The following PDE1C variants were observed in gnomAD, a reference collection of about 807,000 sequenced individuals.
The protein encoded by PDE1C is phosphodiesterase 1C, also known as dual specificity calcium/calmodulin-dependent 3',5'-cyclic nucleotide phosphodiesterase 1C.
In PDE1C, 62 loss-of-function variants were observed where a neutral mutation model predicts 93.1. The ratio of observed to expected loss-of-function variants is 0.67; its 90% CI spans 0.54 to 0.82. The LOEUF (loss-of-function observed/expected upper bound fraction) is 0.82. Among genes scored for constraint, PDE1C ranks in the 40% least tolerant of loss-of-function variants. PDE1C has a pLI of 0.00. For missense variants in PDE1C, 742 were observed against 884.6 expected (o/e 0.84, Z 2.04); for synonymous variants, 325 against 310.1 (o/e 1.05, Z -0.50).
rs138835667 is a variant in PDE1C, at chr7:31,991,991, C to T, written c.128+59563G>A. The stretch of plus-strand genomic sequence containing the variant: ...TTAGCGGGTTCCTATTGGTTCCAGA[C>T]CTATCTGGGTTAATCTGGAAAAGGG... On this transcript the variant is annotated intron_variant, in intron 2 of 17. Coordinates refer to ENST00000396191, the MANE Select transcript of PDE1C (RefSeq NM_001191057.4). Among the ~76,000 whole-genome samples, 511 of 152,244 alleles carry T rather than the reference C, an allele frequency of 3.4e-3. 3 individuals are homozygous for T. Among genetic ancestry groups the T allele is most frequent in the African/African-American group, 0.011 (476 of 41,498 alleles).
At chr7:32,097,119 G>A (rs920107395) in intron 3 of PDE1C, among the ~76,000 whole-genome samples, 9 of 152,114 alleles carry the variant, frequency 5.9e-5, no homozygotes, top group Non-Finnish European at 1.3e-4. Context: ...CAGCCTTTTT[G>A]TTCTATTTAG....
chr7:32,016,972 A>G (rs1446543310), intron 2 of PDE1C, among the ~76,000 whole-genome samples: 3 of 152,150 alleles, frequency 2.0e-5, no homozygotes, highest in Non-Finnish European at 4.4e-5. Context: ...TGCGTCCAAC[A>G]TTTACTACCT....
chr7:31,645,754 C>T, the PDE1C span, among the ~76,000 whole-genome samples: 29 of 152,140 alleles, frequency 1.9e-4, 1 homozygote, highest in South Asian at 6.2e-4. Context: ...GTTGTCACAA[C>T]GGGAGGGGGG....
the PDE1C span, among the ~76,000 whole-genome samples, chr7:31,620,387 G>A: frequency 0.043 from 6,458 of 150,730 alleles, 491 homozygotes; most frequent in African/African-American, 0.15. Flanking sequence ...CACCTCACAC[G>A]GCCGGGTACT....
intron 16 of PDE1C, chr7:31,786,076 T>A (rs1783901585): frequency 6.6e-6 from 1 of 152,234 alleles, no homozygotes; most frequent in Non-Finnish European, 1.5e-5. Flanking sequence ...CATGGTTTGG[T>A]GCTGTACCAA....
intron 1 of PDE1C, among the ~76,000 whole-genome samples, chr7:32,295,953 T>C (rs1243960334): frequency 1.3e-5 from 2 of 151,418 alleles, no homozygotes; most frequent in African/African-American, 4.9e-5. Context: ...TAGTTTTTTA[T>C]CACTGTTTAT....
At chr7:31,945,251 C>T (rs1399289870) in intron 2 of PDE1C, among the ~76,000 whole-genome samples, 4 of 151,996 alleles carry the variant, frequency 2.6e-5, no homozygotes, top group Admixed American at 6.5e-5. Context: ...ATCATTATTG[C>T]TTTAAAAAGT....
chr7:32,324,048 A>C (rs1225767684), intron 1 of PDE1C, among the ~76,000 whole-genome samples: 3 of 152,216 alleles, frequency 2.0e-5, no homozygotes. Context: ...TAGGATATGC[A>C]ATCTAAGAAT....
Position 31,876,224 on chromosome 7 carries a change from T to C in PDE1C, c.492+1746A>G, listed in dbSNP as rs116504738. On this transcript the variant is annotated intron_variant, in intron 5 of 17. Transcript: ENST00000396191. ...GAACTTCCCCAGTAAACAGGGGACA[T>C]AGCCAAGAGAAATAGCAGCTTCAGC... Among the ~76,000 whole-genome samples the C allele has an allele frequency of 5.9e-3, 900 of 152,226 alleles. 11 individuals are homozygous for C. The highest frequency in any genetic ancestry group is 0.02 in the African/African-American group (849 of 41,560).
chr7:32,079,771 T>G (rs1278218293), intron 3 of PDE1C, among the ~76,000 whole-genome samples: 6 of 152,242 alleles, frequency 3.9e-5, no homozygotes, highest in African/African-American at 1.4e-4. Context: ...GAGCGGCCAG[T>G]CCTCTTACGG....
intron 1 of PDE1C, among the ~76,000 whole-genome samples, chr7:32,235,314 GAAGA>G (rs1807996182): frequency 6.6e-6 from 1 of 151,794 alleles, no homozygotes; most frequent in African/African-American, 2.4e-5. Flanking sequence ...ATGAAGGAAA[GAAGA>G]GAGAGATAGA....
At chr7:32,036,695 T>C (rs1038070912) in intron 2 of PDE1C, among the ~76,000 whole-genome samples, 5 of 152,184 alleles carry the variant, frequency 3.3e-5, no homozygotes, top group African/African-American at 1.2e-4. Context: ...GTTTCACTAC[T>C]TAGATGAAAT....
chr7:31,879,317 T>C (rs2128876576), intron 3 of PDE1C, 139 bp from the exon 4 acceptor site: 1 of 783,654 alleles, frequency 1.3e-6, no homozygotes, highest in East Asian at 2.7e-5. Flanking sequence ...AAAAATACAG[T>C]GCCTTTTTGG....
intron 2 of PDE1C, among the ~76,000 whole-genome samples, chr7:31,959,279 C>T (rs772259707): frequency 4.6e-5 from 7 of 152,126 alleles, no homozygotes; most frequent in East Asian, 1.9e-4. Context: ...GGCTCAATCT[C>T]GGCTCACTGC....
chr7:32,292,552 A>G (rs976095683), intron 1 of PDE1C, among the ~76,000 whole-genome samples: 2 of 152,214 alleles, frequency 1.3e-5, no homozygotes, highest in African/African-American at 4.8e-5. Flanking sequence ...CTACTCTAGC[A>G]TGGTAGACAC....
intron 11 of PDE1C, among the ~76,000 whole-genome samples, chr7:31,830,373 A>C (rs373409528): frequency 1.4e-4 from 22 of 152,342 alleles, no homozygotes; most frequent in African/African-American, 5.0e-4. Context: ...CTCTATTTAC[A>C]CAAAGGATTT....
At chr7:31,656,684 G>A in the PDE1C span, among the ~76,000 whole-genome samples, 1 of 152,188 alleles carries the variant, frequency 6.6e-6, no homozygotes, top group Non-Finnish European at 1.5e-5. Flanking sequence ...ACTGAGTTTA[G>A]ATTGTAAAAA....
intron 1 of PDE1C, among the ~76,000 whole-genome samples, chr7:32,255,978 A>T (rs932993045): frequency 6.6e-6 from 1 of 152,218 alleles, no homozygotes; most frequent in African/African-American, 2.4e-5. Flanking sequence ...CACTGCAGCA[A>T]CTGTGTGCAG....
At position 31,766,534 on chromosome 7, in the gene PDE1C, G is replaced by T. The variant is rs62448792; in HGVS notation, c.1960+9130C>A. Among the ~76,000 whole-genome samples the T allele has an allele frequency of 0.016, 2,382 of 152,130 alleles. 124 individuals carry two copies. The East Asian group carries it at 0.19, about 12-fold the overall frequency. On this transcript the variant is annotated intron_variant, in intron 17 of 17. Transcript: ENST00000396191. ...ACATTTTTTGAAAGAAATTAACACAGATAGAATTAAGTTACCCGGCAGATC... is the reference window on the plus strand; with the variant it reads ...ACATTTTTTGAAAGAAATTAACACATATAGAATTAAGTTACCCGGCAGATC...
Sources: allele counts gnomAD v4.1 joint callset (sites outside exome capture counted in the v4.1 genomes callset), GRCh38; gene constraint gnomAD v4.1.1; transcripts MANE v1.5; gene names NCBI Gene and HGNC (gene_info 2026-07-23, HGNC 2026-07-21).